The following SUGCT variants were observed in gnomAD, a reference collection of about 807,000 sequenced individuals.
The protein encoded by SUGCT is succinyl-CoA:glutarate-CoA transferase.
A neutral mutation model predicts 55.0 loss-of-function variants in SUGCT; 41 were observed. That is an observed-to-expected ratio of 0.74 (90% CI 0.58 to 0.97). The LOEUF (loss-of-function observed/expected upper bound fraction) is 0.97, where lower values mean the gene tolerates loss of function less well. Ranked by LOEUF, SUGCT falls within the 50% of genes least tolerant of loss-of-function variation. The pLI is 0.00. For missense variants in SUGCT, 568 were observed against 547.8 expected, an observed-to-expected ratio of 1.04 and a Z score of -0.37; for synonymous variants, 187 against 200.4, an observed-to-expected ratio of 0.93 and a Z score of 0.56.
intron 1 of SUGCT, among the ~76,000 whole-genome samples, chr7:40,155,195 G>A (rs1287296396): frequency 6.6e-6 from 1 of 151,762 alleles, no homozygotes; most frequent in African/African-American, 2.4e-5. Flanking sequence ...TGAGACAGGA[G>A]AATCACTTGA....
At chr7:40,238,363 A>G (rs1789145901) in intron 7 of SUGCT, among the ~76,000 whole-genome samples, 1 of 152,092 alleles carries the variant, frequency 6.6e-6, no homozygotes. Flanking sequence ...TTAGATGGCC[A>G]AAATGTGGTT....
intron 12 of SUGCT, among the ~76,000 whole-genome samples, chr7:40,582,109 C>G (rs972035013): frequency 2.0e-5 from 3 of 152,104 alleles, no homozygotes; most frequent in African/African-American, 7.2e-5. Flanking sequence ...ACATCGCTCT[C>G]TATAACAATA....
chr7:40,333,147 G>A (rs994955926), intron 9 of SUGCT, among the ~76,000 whole-genome samples: 1 of 152,116 alleles, frequency 6.6e-6, no homozygotes, highest in Middle Eastern at 3.2e-3. Flanking sequence ...GAAACTAATG[G>A]AAACTACTAC....
chr7:40,861,635 A>T (rs1309963791), downstream of SUGCT, among the ~76,000 whole-genome samples: 2 of 152,196 alleles, frequency 1.3e-5, no homozygotes, highest in Non-Finnish European at 2.9e-5. Context: ...TTTTCTTTTC[A>T]TATTCTTCTT....
the SUGCT span, among the ~76,000 whole-genome samples, chr7:40,905,951 C>A: frequency 2.0e-5 from 3 of 152,020 alleles, no homozygotes; most frequent in Non-Finnish European, 2.9e-5. Flanking sequence ...CTCTTGGCCT[C>A]AAGTGATCTT....
At chr7:40,803,742 AAAATTT>A (rs1790938984) in intron 13 of SUGCT, among the ~76,000 whole-genome samples, 1 of 152,244 alleles carries the variant, frequency 6.6e-6, no homozygotes, top group Non-Finnish European at 1.5e-5. Context: ...TAAAGAAATC[AAAATTT>A]AAATTTAAAT....
chr7:40,345,462 T>C (rs1410454822), intron 9 of SUGCT, among the ~76,000 whole-genome samples: 1 of 152,222 alleles, frequency 6.6e-6, no homozygotes, highest in Non-Finnish European at 1.5e-5. Context: ...AATGCTTTTA[T>C]TTCTTTCAAT....
At chr7:40,884,411 G>T in the SUGCT span, among the ~76,000 whole-genome samples, 1 of 152,210 alleles carries the variant, frequency 6.6e-6, no homozygotes, top group Non-Finnish European at 1.5e-5. Flanking sequence ...TGGATCCCTG[G>T]AGAGATGGGA....
chr7:40,791,441 G>A (rs1296157283), intron 13 of SUGCT, among the ~76,000 whole-genome samples: 1 of 146,112 alleles, frequency 6.8e-6, no homozygotes, highest in African/African-American at 2.5e-5. Flanking sequence ...AACTGCTAAC[G>A]CTAGATATTT....
intron 3 of SUGCT, among the ~76,000 whole-genome samples, chr7:40,187,269 A>G (rs1785574176): frequency 1.3e-5 from 2 of 152,228 alleles, no homozygotes; most frequent in South Asian, 4.2e-4. Context: ...GGAATATCAC[A>G]CACCGGGGCC....
intron 9 of SUGCT, among the ~76,000 whole-genome samples, chr7:40,320,074 C>T (rs543222864): frequency 4.0e-4 from 61 of 151,480 alleles, no homozygotes; most frequent in African/African-American, 1.2e-3. Flanking sequence ...AAGCACTTAG[C>T]CTAAGGGATT....
chr7:40,824,928 G>C (rs1792238476), intron 13 of SUGCT, among the ~76,000 whole-genome samples: 1 of 152,172 alleles, frequency 6.6e-6, no homozygotes, highest in South Asian at 2.1e-4. Flanking sequence ...AGTTTTAGAG[G>C]GGACAAACCT....
rs150236703 is a variant in SUGCT, at chr7:40,565,027, T to C, written c.1089+68641T>C. 1.5e-3 allele frequency among the ~76,000 whole-genome samples: 222 copies of C among 152,312 alleles called. 1 individual carries two copies. Among genetic ancestry groups the C allele is most frequent in the African/African-American group, 5.1e-3 (213 of 41,558 alleles). The stretch of plus-strand genomic sequence containing the variant: ...AGGACTGATAACCACATCCTTCAAC[T>C]AGAGAAACTGGATTCTGAAGAAGTA... On this transcript the variant is annotated intron_variant, in intron 12 of 13. Coordinates refer to ENST00000335693, the MANE Select transcript of SUGCT (RefSeq NM_001193313.2).
the SUGCT span, among the ~76,000 whole-genome samples, chr7:40,941,442 G>A: frequency 6.6e-6 from 1 of 151,908 alleles, no homozygotes; most frequent in Admixed American, 6.6e-5. Context: ...GAGAAGATAG[G>A]ATTTTGACTT....
intron 12 of SUGCT, among the ~76,000 whole-genome samples, chr7:40,702,417 A>T (rs1785206306): frequency 1.3e-5 from 2 of 152,250 alleles, no homozygotes; most frequent in Non-Finnish European, 2.9e-5. Context: ...TCTGTAAAAA[A>T]TACCAAAGTC....
the SUGCT span, among the ~76,000 whole-genome samples, chr7:40,911,910 G>A: frequency 5.7e-4 from 87 of 152,278 alleles, no homozygotes; most frequent in Admixed American, 1.2e-3. Context: ...GTGGATGTAC[G>A]CGTGTGTGTG....
intron 12 of SUGCT, among the ~76,000 whole-genome samples, chr7:40,589,496 G>A (rs187333229): frequency 6.7e-4 from 102 of 152,196 alleles, no homozygotes; most frequent in Admixed American, 6.4e-3. Context: ...GAGAGCAAAC[G>A]GATTCCAGAA....
At chr7:40,196,690 G>A (rs764368942) in intron 6 of SUGCT, among the ~76,000 whole-genome samples, 39 of 152,222 alleles carry the variant, frequency 2.6e-4, no homozygotes, top group African/African-American at 8.7e-4. Flanking sequence ...CACCACACCC[G>A]GGTAATTTTT....
At chr7:40,790,308 T>C (rs1272728691) in intron 13 of SUGCT, among the ~76,000 whole-genome samples, 2 of 152,164 alleles carry the variant, frequency 1.3e-5, no homozygotes, top group Non-Finnish European at 2.9e-5. Context: ...GCTGCTGCCA[T>C]GTGAAGAAGG....
Sources: allele counts gnomAD v4.1 joint callset (sites outside exome capture counted in the v4.1 genomes callset), GRCh38; gene constraint gnomAD v4.1.1; transcripts MANE v1.5; gene names NCBI Gene and HGNC (gene_info 2026-07-23, HGNC 2026-07-21).